ATAD5: variants seen among roughly 807,000 people sequenced by gnomAD.
The protein encoded by ATAD5 is ATPase family AAA domain-containing protein 5.
In ATAD5, 58 loss-of-function variants were observed where a neutral mutation model predicts 176.9. That is an observed-to-expected ratio of 0.33 (90% CI 0.27 to 0.41). The LOEUF (loss-of-function observed/expected upper bound fraction) is 0.41, where lower values mean the gene tolerates loss of function less well. Among genes scored for constraint, ATAD5 ranks in the 10% least tolerant of loss-of-function variants. The probability of loss-of-function intolerance (pLI) is 1.00; values close to 1 mark genes in which losing one functional copy is unlikely to be tolerated. For missense variants in ATAD5, 1,789 were observed against 2,094.1 expected (o/e 0.85, Z 2.84); for synonymous variants, 640 against 712.6 (o/e 0.90, Z 1.62).
chr17:30,869,722 A>G, intron 14 of ATAD5, 76 bp downstream of exon 14: 6 of 1,478,672 alleles, frequency 4.1e-6, no homozygotes, highest in Non-Finnish European at 5.5e-6. Flanking sequence ...AATTATCAGC[A>G]TTTTGCCATT....
chr17:30,891,972 G>A (rs926693441), intron 19 of ATAD5, among the ~76,000 whole-genome samples: 5 of 151,892 alleles, frequency 3.3e-5, no homozygotes, highest in Admixed American at 2.0e-4. Context: ...CTCCCAAAGT[G>A]CTGGGATTAC....
intron 3 of ATAD5, among the ~76,000 whole-genome samples, chr17:30,839,291 T>A (rs1222337301): frequency 3.3e-5 from 5 of 152,106 alleles, no homozygotes; most frequent in African/African-American, 9.7e-5. Context: ...TATATCTTTT[T>A]TTTTTTTCTT....
intron 17 of ATAD5, 55 bp downstream of exon 17, chr17:30,878,151 C>A: frequency 1.7e-6 from 2 of 1,161,288 alleles, no homozygotes; most frequent in Non-Finnish European, 2.5e-6. Flanking sequence ...TGTAGTTCAT[C>A]TGCAGACTGG....
rs1443533462 is a variant in ATAD5, at chr17:30,850,817, TTATA to T, written c.2451-4324_2451-4321del. On this transcript the variant is annotated intron_variant, in intron 6 of 22. Transcript: ENST00000321990. ...ATCATTATTTTAAAGAAATTATTAT[TTATA>T]TTTATATATTTTTATATATATATAT... Among the ~76,000 whole-genome samples, 75 of 96,224 alleles carry T rather than the reference TTATA, an allele frequency of 7.8e-4. 1 individual carries two copies. The highest frequency in any genetic ancestry group is 3.4e-3 in the African/African-American group (72 of 21,446). The allele number at this position is 96,224 out of a possible 152,430, so 63.1% of individuals were successfully genotyped here. A position where few individuals can be genotyped will look rare whatever the true frequency, so the allele number is the denominator to read the frequency against.
In ATAD5 at chr17:30,856,955, G is replaced by C. The variant is rs973659668; in HGVS notation, c.2636G>C (p.Gly879Ala). The C allele has an allele frequency of 6.4e-7, 1 of 1,571,884 alleles. No homozygotes were observed. ...AAGATATTTGTCTATTTTTCTTTAG[G>C]GTGTTGTTTGTGGCATTTGAAACCA... ...RVVHVQQKDD[G>A]CCLWHLKPPS... The change falls in exon 8 of 23, where the codon GGG (glycine) becomes GCG (alanine). Residue 879 changes from glycine to alanine, a missense_variant and splice_region_variant. Gly to Ala is a moderately conservative substitution (Grantham distance 60). Coordinates refer to ENST00000321990, the MANE Select transcript of ATAD5 (RefSeq NM_024857.5).
intron 18 of ATAD5, among the ~76,000 whole-genome samples, chr17:30,881,790 T>C (rs1909028127): frequency 6.6e-6 from 1 of 152,006 alleles, no homozygotes; most frequent in African/African-American, 2.4e-5. Context: ...AGCGCACACC[T>C]GTAGTCCCAG....
chr17:30,893,600 T>G lies in ATAD5; in HGVS notation c.4747T>G (p.Leu1583Val), dbSNP rs1033774082. Residue 1583 changes from leucine (L) to valine (V), a missense_variant, in exon 21 of 23, where the codon TTG becomes GTG. By Grantham distance (32) the Leu-to-Val change is conservative. Transcript: ENST00000321990. The stretch of plus-strand genomic sequence containing the variant: ...TGATAGTGATCTATTTGACACTGAC[T>G]TGGACTTTCCTGATCAATCTATTAG... The part of the protein sequence containing the change: ...LDDSDLFDTD[L>V]DFPDQSISLS... The G allele has an allele frequency of 6.2e-7, 1 of 1,613,952 alleles. No individual in the cohort carries two copies. Among genetic ancestry groups the G allele is most frequent in the Non-Finnish European group, 8.5e-7 (1 of 1,179,954 alleles).
At chr17:30,886,441 C>G (rs1426666416) in intron 18 of ATAD5, among the ~76,000 whole-genome samples, 1 of 150,864 alleles carries the variant, frequency 6.6e-6, no homozygotes, top group Non-Finnish European at 1.5e-5. Context: ...GCTCCATCGC[C>G]GAGGCTGGAG....
chr17:30,835,761 A>T lies in ATAD5; in HGVS notation c.1680A>T (p.Lys560Asn). 6.2e-7 allele frequency: 1 copy of T among 1,613,634 alleles called. No individual in the cohort carries two copies. The highest frequency in any genetic ancestry group is 1.3e-5 in the African/African-American group (1 of 75,016). ...LKVSSLCNNN[K>N]LSRKTSIPVK... ...TTTCCTCTCTGTGTAACAATAATAA[A>T]TTGTCAAGAAAAACCAGCATACCAG... Residue 560 changes from lysine (K) to asparagine (N), a missense_variant, in exon 2 of 23, where the codon AAA becomes AAT. Physicochemically the swap from Lys to Asn is moderately conservative, Grantham distance 94 (BLOSUM62 0). Around this residue, in one of 6 missense-constraint regions of ATAD5, gnomAD observed 696 missense variants for 712.5 expected, o/e 0.98. Coordinates refer to ENST00000321990, the MANE Select transcript of ATAD5 (RefSeq NM_024857.5).
intron 6 of ATAD5, among the ~76,000 whole-genome samples, chr17:30,849,368 A>T (rs1462005731): frequency 1.3e-5 from 2 of 152,070 alleles, no homozygotes; most frequent in African/African-American, 2.4e-5. Context: ...AGCAGCTGGG[A>T]CTCAAACGTG....
At position 30,834,373 on chromosome 17, in the gene ATAD5, T is replaced by C. The variant is rs760177623; in HGVS notation, c.292T>C (p.Cys98Arg). 2 of 1,606,758 alleles carry C rather than the reference T, an allele frequency of 1.2e-6. No homozygotes were observed. The highest frequency in any genetic ancestry group is 1.7e-4 in the Middle Eastern group (1 of 6,014). ...AGTACCTGTTGACAGCAACAAAGACTGTACGACACCTTTGGAAATGTTCTC... is the reference window on the plus strand; with the variant it reads ...AGTACCTGTTGACAGCAACAAAGACCGTACGACACCTTTGGAAATGTTCTC... ...ESVPVDSNKD[C>R]TTPLEMFSNV... Residue 98 changes from cysteine (C) to arginine (R), a missense_variant, in exon 2 of 23, where the codon TGT becomes CGT. Transcript: ENST00000321990.
chr17:30,887,372 C>G lies in ATAD5; in HGVS notation c.4258C>G (p.Arg1420Gly). 1.3e-6 allele frequency: 2 copies of G among 1,587,734 alleles called. No individual in the cohort carries two copies. The highest frequency in any genetic ancestry group is 1.2e-5 in the South Asian group (1 of 85,868). ...VLEERPLTLY[R>G]GNSRNVQLVC... ...AGAAGAACGACCATTAACCCTTTAT[C>G]GTAAGTTGATTTGTTATTAAAGAAA... The change falls in exon 19 of 23, where the codon CGT becomes GGT. Residue 1420 changes from arginine (R) to glycine (G), a missense_variant and splice_region_variant. Physicochemically the swap from Arg to Gly is moderately radical, Grantham distance 125. This residue lies in a region of ATAD5 where 403 missense variants were observed against 495.1 expected (regional missense o/e 0.81). Transcript: ENST00000321990.
intron 10 of ATAD5, chr17:30,862,764 C>T (rs1245663274): frequency 6.6e-6 from 1 of 151,950 alleles, no homozygotes; most frequent in East Asian, 1.9e-4. Context: ...ATAGCTTTTC[C>T]AAAGTATGCT....
intron 6 of ATAD5, among the ~76,000 whole-genome samples, chr17:30,850,831 TTTTATATATA>T (rs1298878874): frequency 0.071 from 4,398 of 61,896 alleles, 315 homozygotes; most frequent in African/African-American, 0.089. Context: ...ATTTATATAT[TTTTATATATA>T]TATATATATA....
intron 11 of ATAD5, among the ~76,000 whole-genome samples, chr17:30,866,382 G>C (rs1907985256): frequency 6.6e-6 from 1 of 150,446 alleles, no homozygotes; most frequent in South Asian, 2.1e-4. Flanking sequence ...ATTTTTGGTA[G>C]AGACAGTTTC....
chr17:30,832,459 G>A, intron 1 of ATAD5, 46 bp downstream of exon 1: 1 of 1,447,262 alleles, frequency 6.9e-7, no homozygotes, highest in Non-Finnish European at 9.2e-7. Context: ...TCTATCTTTT[G>A]GGGGATTGGA....
intron 4 of ATAD5, among the ~76,000 whole-genome samples, chr17:30,843,511 G>A (rs747032760): frequency 3.9e-5 from 6 of 151,952 alleles, no homozygotes; most frequent in Non-Finnish European, 5.9e-5. Context: ...TTAGCTGGGC[G>A]TGGTGGCGCG....
At chr17:30,861,253 G>T (rs1907615991) in intron 10 of ATAD5, among the ~76,000 whole-genome samples, 1 of 135,358 alleles carries the variant, frequency 7.4e-6, no homozygotes, top group Non-Finnish European at 1.5e-5. Context: ...TCTAATAGAT[G>T]ATGACAGTCT....
intron 7 of ATAD5, 45 bp from the exon 8 acceptor site, chr17:30,856,910 G>T (rs1907319988): frequency 1.4e-6 from 2 of 1,471,190 alleles, no homozygotes; most frequent in Non-Finnish European, 9.1e-7. Context: ...TAAATGGATA[G>T]TGTATAAATA....
Sources: gnomAD v4.1 joint callset for allele counts (sites outside exome capture counted in the v4.1 genomes callset) on GRCh38, gnomAD v4.1.1 for gene constraint, gnomAD v4.1.1 regional missense constraint, MANE v1.5 for transcripts, NCBI Gene and HGNC (gene_info 2026-07-23, HGNC 2026-07-21) for gene names.